Variants in TTC28 observed in about 807,000 individuals in gnomAD.
TTC28 encodes the protein tetratricopeptide repeat domain 28, also known as tetratricopeptide repeat protein 28.
In TTC28, 61 loss-of-function variants were observed where a neutral mutation model predicts 198.0. The observed-to-expected ratio is 0.31, with a 90% CI of 0.25 to 0.38. The LOEUF is 0.38. Among genes scored for constraint, TTC28 ranks in the 10% least tolerant of loss-of-function variants. The probability of loss-of-function intolerance (pLI) is 1.00; values close to 1 mark genes in which losing one functional copy is unlikely to be tolerated. For missense variants in TTC28, 2,678 were observed against 3,164.0 expected (o/e 0.85, Z 3.69); for synonymous variants, 1,171 against 1,297.8 (o/e 0.90, Z 2.10).
chr22:28,061,553 C>T (rs1374986409), intron 12 of TTC28, among the ~76,000 whole-genome samples: 1 of 152,092 alleles, frequency 6.6e-6, no homozygotes, highest in East Asian at 1.9e-4. Context: ...TACCTGAGGG[C>T]TCTGTTTCGT....
intron 12 of TTC28, among the ~76,000 whole-genome samples, chr22:28,076,250 A>G (rs1941161810): frequency 6.6e-6 from 1 of 152,232 alleles, no homozygotes; most frequent in South Asian, 2.1e-4. Context: ...TGATAATTTT[A>G]AATGTTCAAA....
intron 2 of TTC28, among the ~76,000 whole-genome samples, chr22:28,500,543 G>C (rs1024232623): frequency 2.6e-5 from 4 of 152,052 alleles, no homozygotes; most frequent in African/African-American, 9.7e-5. Context: ...TTACAAAATA[G>C]TAACAGTAAA....
chr22:28,384,706 T>G (rs185998265), intron 2 of TTC28, among the ~76,000 whole-genome samples: 33 of 152,314 alleles, frequency 2.2e-4, no homozygotes, highest in Middle Eastern at 3.4e-3. Flanking sequence ...ACTAAAATAC[T>G]CCATTACATC....
chr22:27,984,786 T>C (rs1033187847), intron 22 of TTC28, among the ~76,000 whole-genome samples: 4 of 152,240 alleles, frequency 2.6e-5, no homozygotes, highest in Non-Finnish European at 4.4e-5. Flanking sequence ...GCAGACTCCG[T>C]TGGTTCCACC....
At chr22:28,168,228 T>C (rs1467170504) in intron 5 of TTC28, among the ~76,000 whole-genome samples, 1 of 152,088 alleles carries the variant, frequency 6.6e-6, no homozygotes, top group African/African-American at 2.4e-5. Flanking sequence ...ATCAATATCG[T>C]GAAAATGGCC....
At chr22:28,584,068 C>T (rs2050274662) in intron 2 of TTC28, among the ~76,000 whole-genome samples, 1 of 142,806 alleles carries the variant, frequency 7.0e-6, no homozygotes, top group African/African-American at 2.6e-5. Flanking sequence ...CAGCCTGAAA[C>T]TCCTGGGCTC....
chr22:28,064,126 G>A (rs565087844), intron 12 of TTC28, among the ~76,000 whole-genome samples: 4 of 152,280 alleles, frequency 2.6e-5, no homozygotes, highest in Admixed American at 2.6e-4. Context: ...TATGAAAGAA[G>A]TGACATGTGC....
intron 3 of TTC28, chr22:28,303,735 A>G (rs2145800785): frequency 6.5e-6 from 1 of 152,816 alleles, no homozygotes; most frequent in South Asian, 2.1e-4. Flanking sequence ...TCTCTGCTGC[A>G]TTCAAGGATT....
intron 2 of TTC28, among the ~76,000 whole-genome samples, chr22:28,387,150 A>G (rs1047724477): frequency 1.3e-5 from 2 of 152,130 alleles, no homozygotes; most frequent in Admixed American, 1.3e-4. Flanking sequence ...AGTTTCATCC[A>G]TGTCCCTACA....
intron 2 of TTC28, among the ~76,000 whole-genome samples, chr22:28,463,743 C>T (rs1443443781): frequency 6.6e-6 from 1 of 151,304 alleles, no homozygotes; most frequent in Non-Finnish European, 1.5e-5. Context: ...AGGGGAACAT[C>T]ACACACCGGG....
At chr22:28,153,745 TTCC>T (rs1255782948) in intron 6 of TTC28, among the ~76,000 whole-genome samples, 9 of 152,224 alleles carry the variant, frequency 5.9e-5, no homozygotes, top group Non-Finnish European at 1.3e-4. Context: ...CTAGTCTTGT[TTCC>T]CTTTTCTTTC....
chr22:28,131,752 A>G (rs552206991), intron 6 of TTC28, among the ~76,000 whole-genome samples: 2 of 152,334 alleles, frequency 1.3e-5, no homozygotes, highest in South Asian at 2.1e-4. Flanking sequence ...GGTAATACGT[A>G]TTAGAAAGGG....
At chr22:28,368,231 C>G (rs1234645047) in intron 2 of TTC28, among the ~76,000 whole-genome samples, 1 of 151,908 alleles carries the variant, frequency 6.6e-6, no homozygotes, top group Non-Finnish European at 1.5e-5. Context: ...ATCACCATGA[C>G]CAAGTGGGAT....
At chr22:28,137,907 C>G (rs554775854) in intron 6 of TTC28, among the ~76,000 whole-genome samples, 3 of 152,004 alleles carry the variant, frequency 2.0e-5, no homozygotes, top group African/African-American at 4.8e-5. Flanking sequence ...CCCAGCTACC[C>G]GGCAGGCTGA....
chr22:28,066,122 AT>A (rs908420235), intron 12 of TTC28, among the ~76,000 whole-genome samples: 32 of 151,458 alleles, frequency 2.1e-4, no homozygotes, highest in Middle Eastern at 3.4e-3. Flanking sequence ...AGATATCTCT[AT>A]TTTTTTTTCC....
chr22:28,108,010 T>G lies in TTC28; in HGVS notation c.1835A>C (p.Gln612Pro). 1 of 1,551,604 alleles carries G rather than the reference T, an allele frequency of 6.4e-7. No homozygotes were observed. The highest frequency in any genetic ancestry group is 1.2e-5 in the South Asian group (1 of 84,052). ...NFHCSRGEYVQAAPYYEQYLR... is the reference protein window; with the variant it reads ...NFHCSRGEYVPAAPYYEQYLR... The stretch of plus-strand genomic sequence containing the variant: ...GTACTGTTCATAATAGGGGGCAGCC[T>G]GGACATACTCTCCCCGAGAGCAGTG... Residue 612 changes from glutamine (Q) to proline (P), a missense_variant, in exon 7 of 23, where the codon CAG (glutamine) becomes CCG (proline). By Grantham distance (76) the Gln-to-Pro change is moderately conservative. Transcript: ENST00000397906.
chr22:28,178,770 A>G (rs1451812623), intron 5 of TTC28, among the ~76,000 whole-genome samples: 1 of 152,248 alleles, frequency 6.6e-6, no homozygotes, highest in Admixed American at 6.5e-5. Context: ...TTTTAAGTGT[A>G]CGTTATTATT....
chr22:28,663,130 C>G (rs2051775933), intron 1 of TTC28, among the ~76,000 whole-genome samples: 1 of 151,692 alleles, frequency 6.6e-6, no homozygotes, highest in Non-Finnish European at 1.5e-5. Flanking sequence ...CGCCTGTAGT[C>G]CCAGCTACTC....
At chr22:28,163,725 G>A (rs1377569703) in intron 5 of TTC28, 126 bp from the exon 6 acceptor site, 1 of 1,057,676 alleles carries the variant, frequency 9.5e-7, no homozygotes, top group African/African-American at 1.6e-5. Flanking sequence ...ACAGCTCCCA[G>A]CGTGAGTGAC....
Sources: gnomAD v4.1 joint callset for allele counts (sites outside exome capture counted in the v4.1 genomes callset) on GRCh38, gnomAD v4.1.1 for gene constraint, MANE v1.5 for transcripts, NCBI Gene and HGNC (gene_info 2026-07-23, HGNC 2026-07-21) for gene names.